HELZ: variants seen among roughly 807,000 people sequenced by gnomAD.
HELZ encodes the protein helicase with zinc finger.
In HELZ, 23 loss-of-function variants were observed where a neutral mutation model predicts 218.2. That is an observed-to-expected ratio of 0.11 (90% CI 0.08 to 0.15). The LOEUF (loss-of-function observed/expected upper bound fraction) is 0.15, where lower values mean the gene tolerates loss of function less well. HELZ is among the 10% of genes least tolerant of loss of function. HELZ has a pLI of 1.00. For synonymous variants in HELZ, 814 were observed against 829.4 expected (o/e 0.98, Z 0.32); for missense variants, 1,813 against 2,353.7 (o/e 0.77, Z 4.75).
chr17:67,142,923 ATTTTTTTGTAT>A (rs2038375041), intron 21 of HELZ, among the ~76,000 whole-genome samples: 1 of 151,566 alleles, frequency 6.6e-6, no homozygotes, highest in Non-Finnish European at 1.5e-5. Context: ...TGCCCAGCTA[ATTTTTTTGTAT>A]TTTTTTTGTA....
At chr17:67,168,431 TA>T (rs1452371708) in intron 13 of HELZ, among the ~76,000 whole-genome samples, 18 of 152,178 alleles carry the variant, frequency 1.2e-4, no homozygotes, top group Non-Finnish European at 1.0e-4. Flanking sequence ...TATTATATAC[TA>T]ATTAATATAA....
intron 12 of HELZ, 92 bp from the exon 13 acceptor site, chr17:67,179,018 T>G: frequency 1.2e-6 from 1 of 837,362 alleles, no homozygotes; most frequent in Non-Finnish European, 1.8e-6. Flanking sequence ...CATATTTTTG[T>G]ATGAGAATTG....
chr17:67,122,797 A>G (rs2143837492), intron 26 of HELZ, among the ~76,000 whole-genome samples, 173 bp downstream of exon 26: 1 of 152,358 alleles, frequency 6.6e-6, no homozygotes, highest in East Asian at 1.9e-4. Context: ...ACAAATTGTA[A>G]GCAACAATTC....
At chr17:67,161,304 G>C (rs545015398) in intron 15 of HELZ, among the ~76,000 whole-genome samples, 1 of 152,126 alleles carries the variant, frequency 6.6e-6, no homozygotes, top group African/African-American at 2.4e-5. Flanking sequence ...CCTACACTAC[G>C]TACAAAAAGA....
At chr17:67,095,432 C>T (rs564728759) in intron 31 of HELZ, among the ~76,000 whole-genome samples, 1 of 152,150 alleles carries the variant, frequency 6.6e-6, no homozygotes, top group East Asian at 1.9e-4. Flanking sequence ...CCTGTAGCCC[C>T]AGATACTGAG....
intron 31 of HELZ, among the ~76,000 whole-genome samples, chr17:67,105,704 A>G (rs2037079991): frequency 6.6e-6 from 1 of 152,222 alleles, no homozygotes; most frequent in Non-Finnish European, 1.5e-5. Flanking sequence ...AATCTGAAAG[A>G]CTGTCAGATG....
intron 3 of HELZ, among the ~76,000 whole-genome samples, chr17:67,235,773 T>TG (rs2041164216): frequency 7.1e-6 from 1 of 140,738 alleles, no homozygotes; most frequent in African/African-American, 2.5e-5. Context: ...TTTTTTTTTT[T>TG]GAGACGGAGT....
intron 3 of HELZ, among the ~76,000 whole-genome samples, chr17:67,230,602 A>AC (rs1235953557): frequency 6.6e-6 from 1 of 151,488 alleles, no homozygotes; most frequent in Non-Finnish European, 1.5e-5. Flanking sequence ...TCTCAAAAAA[A>AC]AAAAAAAAAA....
intron 21 of HELZ, among the ~76,000 whole-genome samples, chr17:67,139,897 T>G: frequency 6.6e-6 from 1 of 152,134 alleles, no homozygotes; most frequent in East Asian, 1.9e-4. Flanking sequence ...TGATAAGCAG[T>G]TGGTAGTAGT....
intron 23 of HELZ, among the ~76,000 whole-genome samples, chr17:67,132,217 A>ACT (rs2038007641): frequency 7.6e-6 from 1 of 131,580 alleles, no homozygotes; most frequent in Admixed American, 7.0e-5. Context: ...TCCTTAGGTC[A>ACT]CTGTGTGTGT....
chr17:67,122,906 A>C, intron 26 of HELZ, 64 bp downstream of exon 26: 2 of 1,233,718 alleles, frequency 1.6e-6, no homozygotes, highest in Non-Finnish European at 1.1e-6. Context: ...ATTTGGGATT[A>C]GAACCATTTT....
At chr17:67,172,589 A>T (rs1295801184) in intron 13 of HELZ, among the ~76,000 whole-genome samples, 1 of 152,020 alleles carries the variant, frequency 6.6e-6, no homozygotes. Context: ...CTTGGGCCAC[A>T]TATATTTTTT....
At chr17:67,233,708 T>C (rs2041098511) in intron 3 of HELZ, among the ~76,000 whole-genome samples, 1 of 152,098 alleles carries the variant, frequency 6.6e-6, no homozygotes, top group African/African-American at 2.4e-5. Flanking sequence ...CAAAACCAAA[T>C]TCATCTTCAT....
chr17:67,214,335 G>C (rs1438341668), intron 5 of HELZ, among the ~76,000 whole-genome samples: 1 of 120,510 alleles, frequency 8.3e-6, no homozygotes, highest in Non-Finnish European at 1.6e-5. Context: ...GCACATTCTT[G>C]GCTCACTGCA....
chr17:67,203,978 A>G (rs1487532940), intron 5 of HELZ, among the ~76,000 whole-genome samples: 1 of 152,226 alleles, frequency 6.6e-6, no homozygotes, highest in Non-Finnish European at 1.5e-5. Flanking sequence ...GATTTAATCT[A>G]ATACAATCAT....
intron 5 of HELZ, among the ~76,000 whole-genome samples, chr17:67,208,585 A>T (rs1008827964): frequency 2.0e-5 from 3 of 152,064 alleles, no homozygotes; most frequent in Admixed American, 1.3e-4. Context: ...TAAATTTTTT[A>T]AAAAATAGTT....
Position 67,077,997 on chromosome 17 carries a change from T to C in HELZ, c.*255A>G, listed in dbSNP as rs534289658. On this transcript the variant is annotated 3_prime_UTR_variant, in exon 33 of 33. Coordinates refer to ENST00000358691, the MANE Select transcript of HELZ (RefSeq NM_014877.4). ...TGGCTGCTAGCTTGATGCAAACATA[T>C]GTAACAATACACAAATTTAAAAATT... 3.6e-6 allele frequency: 1 copy of C among 280,362 alleles called. No individual in the cohort carries two copies. The highest frequency in any genetic ancestry group is 2.2e-5 in the African/African-American group (1 of 45,030). The allele number at this position is 280,362 out of a possible 1,614,324, so 17.4% of individuals were successfully genotyped here. A position where few individuals can be genotyped will look rare whatever the true frequency, so the allele number is the denominator to read the frequency against.
chr17:67,199,278 T>C (rs1215519624), intron 7 of HELZ, among the ~76,000 whole-genome samples: 2 of 145,072 alleles, frequency 1.4e-5, no homozygotes, highest in Non-Finnish European at 3.0e-5. Context: ...AGTGGTGCAA[T>C]CTCAGCTCAC....
At chr17:67,204,357 C>T (rs947285826) in intron 5 of HELZ, among the ~76,000 whole-genome samples, 10 of 152,192 alleles carry the variant, frequency 6.6e-5, no homozygotes, top group African/African-American at 2.4e-4. Flanking sequence ...TCTCACTACT[C>T]AACGAAGTTT....
Sources: gnomAD v4.1 joint callset for allele counts (sites outside exome capture counted in the v4.1 genomes callset) on GRCh38, gnomAD v4.1.1 for gene constraint, MANE v1.5 for transcripts, NCBI Gene and HGNC (gene_info 2026-07-23, HGNC 2026-07-21) for gene names.